The following DIAPH2 variants were observed in gnomAD, a reference collection of about 807,000 sequenced individuals.
The protein encoded by DIAPH2 is protein diaphanous homolog 2.
In DIAPH2, 35 loss-of-function variants were observed where a neutral mutation model predicts 92.7. The ratio of observed to expected loss-of-function variants is 0.38; its 90% CI spans 0.29 to 0.50. The LOEUF (loss-of-function observed/expected upper bound fraction) is 0.50, where lower values mean the gene tolerates loss of function less well. Among genes scored for constraint, DIAPH2 ranks in the 20% least tolerant of loss-of-function variants. The pLI, the probability that DIAPH2 is intolerant of heterozygous loss-of-function variation, is 0.94. For synonymous variants in DIAPH2, 301 were observed against 280.4 expected, an observed-to-expected ratio of 1.07 and a Z score of -0.73; for missense variants, 701 against 819.5, an observed-to-expected ratio of 0.86 and a Z score of 1.77.
intron 17 of DIAPH2, among the ~76,000 whole-genome samples, chrX:97,061,456 G>C (rs1033570420): frequency 5.4e-5 from 6 of 111,611 alleles, no homozygotes; most frequent in African/African-American, 1.6e-4. Flanking sequence ...GTCTTTGCCT[G>C]CCTTGATTGT....
chrX:97,433,197 T>G (rs1479995428), intron 26 of DIAPH2, among the ~76,000 whole-genome samples: 1 of 110,473 alleles, frequency 9.1e-6, no homozygotes, highest in Non-Finnish European at 1.9e-5. Context: ...TAGTGATAAT[T>G]GAAAATATTT....
intron 26 of DIAPH2, among the ~76,000 whole-genome samples, chrX:97,484,363 C>T (rs1194617849): frequency 1.8e-5 from 2 of 111,983 alleles, no homozygotes; most frequent in Non-Finnish European, 3.8e-5. Context: ...ATGTATGTAA[C>T]AATGCCTACC....
intron 21 of DIAPH2, among the ~76,000 whole-genome samples, chrX:97,126,179 T>A (rs2067093054): frequency 8.9e-6 from 1 of 111,900 alleles, no homozygotes. Flanking sequence ...AAGGCTTTTT[T>A]ATTCTATAAA....
chrX:97,346,692 C>CT (rs2069159789), intron 23 of DIAPH2, among the ~76,000 whole-genome samples: 1 of 111,084 alleles, frequency 9.0e-6, no homozygotes, highest in African/African-American at 3.3e-5. Flanking sequence ...TATAATCAGG[C>CT]AAAGGGGGTA....
chrX:96,939,717 T>C (rs1187530029), intron 12 of DIAPH2, among the ~76,000 whole-genome samples: 1 of 57,880 alleles, frequency 1.7e-5, no homozygotes, highest in Non-Finnish European at 3.1e-5. Flanking sequence ...CAGGCTGGAG[T>C]GCAGTGGCGC....
intron 17 of DIAPH2, among the ~76,000 whole-genome samples, chrX:96,977,057 T>TG (rs761256924): frequency 1.0e-3 from 112 of 111,653 alleles, no homozygotes; most frequent in African/African-American, 3.5e-3. Flanking sequence ...TTCTGTATGC[T>TG]GTAACAATGA....
intron 3 of DIAPH2, among the ~76,000 whole-genome samples, chrX:96,747,656 T>G: frequency 8.9e-6 from 1 of 112,104 alleles, no homozygotes; most frequent in East Asian, 2.8e-4. Context: ...TAGTTGTGCT[T>G]GAACACCAGG....
At chrX:97,548,231 G>T (rs759307831) in intron 26 of DIAPH2, among the ~76,000 whole-genome samples, 2 of 111,781 alleles carry the variant, frequency 1.8e-5, no homozygotes, top group Admixed American at 9.5e-5. Context: ...TCTCTCTTGT[G>T]CACCTATGCA....
chrX:97,173,549 ATT>A (rs954662398), intron 22 of DIAPH2, among the ~76,000 whole-genome samples: 1 of 111,883 alleles, frequency 8.9e-6, no homozygotes, highest in Non-Finnish European at 1.9e-5. Flanking sequence ...ACTTATATGT[ATT>A]TTTGGCCTTT....
intron 19 of DIAPH2, among the ~76,000 whole-genome samples, chrX:97,088,918 T>C (rs2066803325): frequency 9.0e-6 from 1 of 111,460 alleles, no homozygotes; most frequent in Non-Finnish European, 1.9e-5. Context: ...TTTGGGGGCT[T>C]TGGTTCACCC....
chrX:97,117,045 C>T (rs965901274), intron 21 of DIAPH2, among the ~76,000 whole-genome samples: 6 of 111,555 alleles, frequency 5.4e-5, no homozygotes, highest in Non-Finnish European at 1.1e-4. Flanking sequence ...GCGGGAAATA[C>T]TATCATGTAG....
chrX:97,364,765 T>TTTTGTTTTTTTG (rs1260577456), intron 24 of DIAPH2, among the ~76,000 whole-genome samples: 17 of 105,132 alleles, frequency 1.6e-4, no homozygotes, highest in African/African-American at 6.1e-4. Flanking sequence ...TGGTGTTTTT[T>TTTTGTTTTTTTG]TTTTTTTTTT....
intron 26 of DIAPH2, among the ~76,000 whole-genome samples, chrX:97,442,445 A>C (rs1228107202): frequency 8.9e-6 from 1 of 112,763 alleles, no homozygotes; most frequent in East Asian, 2.8e-4. Flanking sequence ...GATACTCAAC[A>C]GGTTGTCATA....
intron 17 of DIAPH2, among the ~76,000 whole-genome samples, chrX:96,981,511 A>G (rs2065997550): frequency 8.9e-6 from 1 of 112,299 alleles, no homozygotes; most frequent in African/African-American, 3.2e-5. Flanking sequence ...CAATTTCTGT[A>G]ATTATATGTT....
chrX:97,045,625 C>T (rs935130637), intron 17 of DIAPH2, among the ~76,000 whole-genome samples: 2 of 110,757 alleles, frequency 1.8e-5, no homozygotes, highest in African/African-American at 6.6e-5. Context: ...CACTGTGAGT[C>T]ATAGAACCAA....
rs1043115374 is a variant in DIAPH2 at position 97,600,165 on chromosome X, C to G, written c.*848C>G. On this transcript the variant is annotated 3_prime_UTR_variant, in exon 27 of 27. Transcript: ENST00000324765. ...AGGGATGAACCTGAAAATTCTATTA[C>G]GTTTATTTAGATTTCAAAGGCAAAT... The G allele has an allele frequency of 2.7e-5, 3 of 110,008 alleles. No individual in the cohort carries two copies. The highest frequency in any genetic ancestry group is 5.8e-5 in the Non-Finnish European group (3 of 51,658). The allele number at this position is 110,008 out of a possible 1,213,427, so 9.1% of individuals were successfully genotyped here.
At chrX:97,220,367 G>GA (rs763951265) in intron 22 of DIAPH2, among the ~76,000 whole-genome samples, 3,112 of 75,825 alleles carry the variant, frequency 0.041, 45 homozygotes, top group Middle Eastern at 0.098. Flanking sequence ...ACAAGTTTTA[G>GA]AAAAAAAAAA....
At chrX:97,491,420 A>AT (rs973431990) in intron 26 of DIAPH2, among the ~76,000 whole-genome samples, 4 of 109,911 alleles carry the variant, frequency 3.6e-5, no homozygotes, top group African/African-American at 9.9e-5. Context: ...TATTTATTTT[A>AT]TTTTTTTTGA....
chrX:96,967,969 C>A (rs184681392), intron 17 of DIAPH2, among the ~76,000 whole-genome samples: 1 of 111,124 alleles, frequency 9.0e-6, no homozygotes, highest in African/African-American at 3.3e-5. Flanking sequence ...TGAGAAGTCT[C>A]CGAACTGCTT....
Sources: allele counts gnomAD v4.1 joint callset (sites outside exome capture counted in the v4.1 genomes callset), GRCh38; gene constraint gnomAD v4.1.1; transcripts MANE v1.5; gene names NCBI Gene and HGNC (gene_info 2026-07-23, HGNC 2026-07-21).